PTPRG: variants seen among roughly 807,000 people sequenced by gnomAD.
The protein encoded by PTPRG is protein tyrosine phosphatase receptor type G, also known as receptor-type tyrosine-protein phosphatase gamma.
In PTPRG, 102 loss-of-function variants were observed where a neutral mutation model predicts 165.3. The ratio of observed to expected loss-of-function variants is 0.62; its 90% CI spans 0.53 to 0.73. The LOEUF (loss-of-function observed/expected upper bound fraction) is 0.73, where lower values mean the gene tolerates loss of function less well. Among genes scored for constraint, PTPRG ranks in the 30% least tolerant of loss-of-function variants. The pLI is 0.00. For synonymous variants in PTPRG, 675 were observed against 669.5 expected, an observed-to-expected ratio of 1.01 and a Z score of -0.13; for missense variants, 1,866 against 1,861.4, an observed-to-expected ratio of 1.00 and a Z score of -0.05.
chr3:61,799,512 C>T (rs1471194356), intron 2 of PTPRG, among the ~76,000 whole-genome samples: 1 of 152,064 alleles, frequency 6.6e-6, no homozygotes, highest in African/African-American at 2.4e-5. Context: ...TCTTAATGAC[C>T]TTGGCAATGT....
At chr3:62,126,101 G>A (rs1703281467) in intron 5 of PTPRG, among the ~76,000 whole-genome samples, 1 of 152,148 alleles carries the variant, frequency 6.6e-6, no homozygotes, top group Non-Finnish European at 1.5e-5. Flanking sequence ...CAATCTGCAA[G>A]ACTGCTCCTG....
At chr3:61,845,267 G>T (rs1039500324) in intron 2 of PTPRG, among the ~76,000 whole-genome samples, 1 of 152,192 alleles carries the variant, frequency 6.6e-6, no homozygotes, top group Non-Finnish European at 1.5e-5. Context: ...GCAGAAAACT[G>T]AGGGAGGTGA....
chr3:61,930,788 A>G (rs1339411539), intron 2 of PTPRG, among the ~76,000 whole-genome samples: 4 of 152,226 alleles, frequency 2.6e-5, no homozygotes, highest in Non-Finnish European at 5.9e-5. Flanking sequence ...GGCCAGGCGC[A>G]GTGGCTCATG....
In PTPRG at chr3:62,187,071, G is replaced by A. The variant is rs139562088; in HGVS notation, c.1034-4398G>A. On this transcript the variant is annotated intron_variant, in intron 8 of 29. Coordinates refer to ENST00000474889, the MANE Select transcript of PTPRG (RefSeq NM_002841.4). ...CAAGTATTGATTGAGAGCCCACTAC[G>A]TGCCAGGCACTGTCTTAGATGCAAG... 9.6e-3 allele frequency among the ~76,000 whole-genome samples: 1,457 copies of A among 152,346 alleles called. 27 individuals are homozygous for A. Among genetic ancestry groups the A allele is most frequent in the African/African-American group, 0.032 (1,345 of 41,568 alleles).
At chr3:61,806,462 T>G (rs2035421499) in intron 2 of PTPRG, among the ~76,000 whole-genome samples, 1 of 152,198 alleles carries the variant, frequency 6.6e-6, no homozygotes, top group Non-Finnish European at 1.5e-5. Context: ...CCCTGTCGGG[T>G]CTGTGGCTCA....
intron 1 of PTPRG, among the ~76,000 whole-genome samples, chr3:61,621,611 T>G (rs1314211175): frequency 6.6e-6 from 1 of 152,252 alleles, no homozygotes; most frequent in African/African-American, 2.4e-5. Flanking sequence ...CTGTTCTTCC[T>G]TTATTCGTGC....
At chr3:62,067,390 C>T (rs1701052908) in intron 4 of PTPRG, among the ~76,000 whole-genome samples, 1 of 151,826 alleles carries the variant, frequency 6.6e-6, no homozygotes, top group Non-Finnish European at 1.5e-5. Flanking sequence ...ATCAGTGGTC[C>T]CCAACCTTTT....
At chr3:62,184,805 C>T (rs1705806952) in intron 8 of PTPRG, among the ~76,000 whole-genome samples, 1 of 152,152 alleles carries the variant, frequency 6.6e-6, no homozygotes, top group African/African-American at 2.4e-5. Flanking sequence ...TGAATCTGCA[C>T]CGAATTGGTT....
At position 61,675,203 on chromosome 3, in the gene PTPRG, A is replaced by AT. The variant is rs143498767; in HGVS notation, c.86-73669dup. On this transcript the variant is annotated intron_variant, in intron 1 of 29. Coordinates refer to ENST00000474889, the MANE Select transcript of PTPRG (RefSeq NM_002841.4). Reference sequence around the variant, plus strand: ...CAAATGATATTTCCATATATCTCTAATTTTTTCCCCTTAATGATACATTTA... The same window carrying AT: ...CAAATGATATTTCCATATATCTCTAATTTTTTTCCCCTTAATGATACATTTA... Among the ~76,000 whole-genome samples, 1,058 of 152,234 alleles carry AT rather than the reference A, an allele frequency of 6.9e-3. 4 individuals are homozygous for AT. The highest frequency in any genetic ancestry group is 0.011 in the Non-Finnish European group (772 of 67,994).
intron 8 of PTPRG, among the ~76,000 whole-genome samples, chr3:62,179,291 T>A (rs994802102): frequency 1.3e-5 from 2 of 152,208 alleles, no homozygotes; most frequent in Admixed American, 1.3e-4. Flanking sequence ...CAGTGGTTGT[T>A]ACGGTTGCTG....
At chr3:62,018,838 G>A (rs903908727) in intron 4 of PTPRG, among the ~76,000 whole-genome samples, 1 of 152,192 alleles carries the variant, frequency 6.6e-6, no homozygotes, top group African/African-American at 2.4e-5. Flanking sequence ...GTTGGGAGAG[G>A]AAGCATTAGG....
chr3:61,782,965 G>T (rs1261099811), intron 2 of PTPRG, among the ~76,000 whole-genome samples: 2 of 151,988 alleles, frequency 1.3e-5, no homozygotes, highest in Non-Finnish European at 2.9e-5. Context: ...ACCATACCTG[G>T]CTAATTAAAA....
At chr3:61,762,862 T>A (rs181341701) in intron 2 of PTPRG, among the ~76,000 whole-genome samples, 1 of 152,142 alleles carries the variant, frequency 6.6e-6, no homozygotes, top group African/African-American at 2.4e-5. Context: ...GTACACCCCA[T>A]GTTGTTTAGG....
At chr3:61,937,734 G>A (rs1001080905) in intron 2 of PTPRG, among the ~76,000 whole-genome samples, 1 of 152,080 alleles carries the variant, frequency 6.6e-6, no homozygotes, top group Non-Finnish European at 1.5e-5. Context: ...AACAGGTGAC[G>A]GCAAAAGGAG....
intron 29 of PTPRG, 82 bp downstream of exon 29, chr3:62,292,638 G>A (rs1407156669): frequency 2.0e-6 from 3 of 1,514,872 alleles, no homozygotes; most frequent in African/African-American, 2.8e-5. Flanking sequence ...GTTCTCAATT[G>A]GGGGTGATTT....
intron 1 of PTPRG, among the ~76,000 whole-genome samples, chr3:61,738,152 C>T (rs1575621008): frequency 6.7e-6 from 1 of 149,340 alleles, no homozygotes; most frequent in South Asian, 2.1e-4. Flanking sequence ...CCCGCCTCGG[C>T]CTCCCAAAGT....
At chr3:61,910,204 C>T (rs2038765015) in intron 2 of PTPRG, among the ~76,000 whole-genome samples, 1 of 152,160 alleles carries the variant, frequency 6.6e-6, no homozygotes, top group Non-Finnish European at 1.5e-5. Flanking sequence ...TGTATTGATC[C>T]ATCCCATTCT....
rs756654056 is a variant in PTPRG at position 62,219,850 on chromosome 3, A to G, written c.2288+867A>G. ...AAGAATCCTTACTGTCATGGAGCTT[A>G]CAGTTTAGTGGAGGAGGCAGGCAAT... On this transcript the variant is annotated intron_variant, in intron 13 of 29. Coordinates refer to ENST00000474889, the MANE Select transcript of PTPRG (RefSeq NM_002841.4). The surrounding 1 kb of genome is among the most constrained non-coding windows in gnomAD (Gnocchi z 4.5). Among the ~76,000 whole-genome samples, 2 of 152,274 alleles carry G rather than the reference A, an allele frequency of 1.3e-5. No individual in the cohort carries two copies. The highest frequency in any genetic ancestry group is 2.9e-5 in the Non-Finnish European group (2 of 68,050).
chr3:62,109,732 C>T (rs1702600267), intron 5 of PTPRG, among the ~76,000 whole-genome samples: 1 of 152,144 alleles, frequency 6.6e-6, no homozygotes, highest in African/African-American at 2.4e-5. Flanking sequence ...CCAACCAGTG[C>T]CACTCATCTC....
Sources: allele counts gnomAD v4.1 joint callset (sites outside exome capture counted in the v4.1 genomes callset), GRCh38; gene constraint gnomAD v4.1.1; non-coding constraint Gnocchi (gnomAD v3.1); transcripts MANE v1.5; gene names NCBI Gene and HGNC (gene_info 2026-07-23, HGNC 2026-07-21).